Variants in CRIM1 observed in about 807,000 individuals in gnomAD.
CRIM1 encodes cysteine rich transmembrane BMP regulator 1, also known as cysteine-rich motor neuron 1 protein.
CRIM1 carries 32 observed loss-of-function variants against 116.4 expected under a neutral mutation model. The observed-to-expected ratio is 0.27, with a 90% CI of 0.21 to 0.37. The LOEUF is 0.37. CRIM1 is among the 10% of genes least tolerant of loss of function. The pLI is 1.00. For synonymous variants in CRIM1, 590 were observed against 509.2 expected, an observed-to-expected ratio of 1.16 and a Z score of -2.13; for missense variants, 1,331 against 1,354.8, an observed-to-expected ratio of 0.98 and a Z score of 0.28.
intron 1 of CRIM1, among the ~76,000 whole-genome samples, chr2:36,371,409 A>C (rs1457247369): frequency 6.6e-6 from 1 of 152,172 alleles, no homozygotes; most frequent in African/African-American, 2.4e-5. Context: ...CTTGGCACAC[A>C]GGAAGAACTC....
chr2:36,527,008 C>T (rs562060298), intron 13 of CRIM1, among the ~76,000 whole-genome samples: 2 of 152,206 alleles, frequency 1.3e-5, no homozygotes, highest in Non-Finnish European at 2.9e-5. Context: ...TATGACTTGG[C>T]AAGTATTTGT....
intron 2 of CRIM1, among the ~76,000 whole-genome samples, chr2:36,403,644 G>A (rs1254954298): frequency 6.6e-6 from 1 of 152,090 alleles, no homozygotes; most frequent in Non-Finnish European, 1.5e-5. Context: ...ATTGACTTTC[G>A]GGGATGAAGA....
At chr2:36,506,157 A>ACT (rs1191448142) in intron 8 of CRIM1, among the ~76,000 whole-genome samples, 1,552 of 125,010 alleles carry the variant, frequency 0.012, 23 homozygotes, top group African/African-American at 0.039. Flanking sequence ...ACACACACAC[A>ACT]CTCTCTCTCT....
rs1237096120 is a variant in CRIM1 at position 36,365,728 on chromosome 2, A to G, written c.331+9105A>G. 9.8e-5 allele frequency among the ~76,000 whole-genome samples: 14 copies of G among 142,230 alleles called. No individual in the cohort carries two copies. The Admixed American group carries it at 1.0e-3, about 10-fold the overall frequency. 93.3% of individuals were successfully genotyped at this position (142,230 alleles called of 152,430 possible). On this transcript the variant is annotated intron_variant, in intron 1 of 16. Transcript: ENST00000280527. ...TTTTAGGAGAACAGAACTATGAACT[A>G]TGTTTGTGTTTTTTTTTTTTTTTTG...
chr2:36,537,948 A>G (rs1666668967), intron 14 of CRIM1, among the ~76,000 whole-genome samples: 1 of 152,216 alleles, frequency 6.6e-6, no homozygotes, highest in African/African-American at 2.4e-5. Flanking sequence ...ATTAGAACCA[A>G]AGTGGAAGAC....
At chr2:36,468,957 A>G (rs1425785111) in intron 5 of CRIM1, among the ~76,000 whole-genome samples, 2 of 152,264 alleles carry the variant, frequency 1.3e-5, no homozygotes, top group African/African-American at 2.4e-5. Context: ...TGACCTACTT[A>G]TAAAACGTTC....
Position 36,510,875 on chromosome 2 carries a change from A to G in CRIM1, c.1658+736A>G, listed in dbSNP as rs549058203. Among the ~76,000 whole-genome samples, 3 of 149,900 alleles carry G rather than the reference A, an allele frequency of 2.0e-5. No individual in the cohort carries two copies. In the South Asian group the frequency reaches 6.4e-4, roughly 32 times the overall value. Reference sequence around the variant, plus strand: ...CCCTTTGCTGTCTTTCTTTCATTTCAATCTGTCTTTCCAATTTGATATGTT... The same window carrying G: ...CCCTTTGCTGTCTTTCTTTCATTTCGATCTGTCTTTCCAATTTGATATGTT... On this transcript the variant is annotated intron_variant, in intron 9 of 16. Transcript: ENST00000280527.
At chr2:36,423,382 C>G (rs1371574509) in intron 2 of CRIM1, among the ~76,000 whole-genome samples, 1 of 152,182 alleles carries the variant, frequency 6.6e-6, no homozygotes, top group African/African-American at 2.4e-5. Flanking sequence ...TTAATTACAC[C>G]TTGAGACACA....
intron 12 of CRIM1, among the ~76,000 whole-genome samples, chr2:36,519,089 G>A (rs1665206077): frequency 7.2e-6 from 1 of 138,288 alleles, no homozygotes; most frequent in Admixed American, 7.1e-5. Context: ...TACCCCTGGT[G>A]CTATTTGTGT....
At chr2:36,381,515 G>A (rs1670770966) in intron 1 of CRIM1, among the ~76,000 whole-genome samples, 1 of 152,226 alleles carries the variant, frequency 6.6e-6, no homozygotes, top group African/African-American at 2.4e-5. Flanking sequence ...AGCAATTGTA[G>A]TAGGAGAGGA....
rs368486956 is a variant in CRIM1, at chr2:36,399,293, G to T, written c.505+2506G>T. ...TGAAGTCAACATTAGGCAGACTTTGGTTGTGGTGGAATGCAAACTGGATTA... is the reference window on the plus strand; with the variant it reads ...TGAAGTCAACATTAGGCAGACTTTGTTTGTGGTGGAATGCAAACTGGATTA... On this transcript the variant is annotated intron_variant, in intron 2 of 16. Transcript: ENST00000280527. Among the ~76,000 whole-genome samples the T allele has an allele frequency of 7.2e-5, 11 of 152,324 alleles. No homozygotes were observed. The East Asian group carries it at 2.1e-3, about 29-fold the overall frequency.
intron 1 of CRIM1, among the ~76,000 whole-genome samples, chr2:36,383,684 G>A (rs1462776719): frequency 2.6e-5 from 4 of 152,164 alleles, no homozygotes; most frequent in African/African-American, 7.2e-5. Flanking sequence ...TGCTGGGGGC[G>A]GGTGTGCTGG....
intron 2 of CRIM1, among the ~76,000 whole-genome samples, chr2:36,423,582 C>T (rs2110928): frequency 3.3e-5 from 5 of 152,058 alleles, no homozygotes; most frequent in African/African-American, 9.7e-5. Flanking sequence ...TAGCTAGGAT[C>T]GGAAGGCTTT....
intron 5 of CRIM1, among the ~76,000 whole-genome samples, chr2:36,467,310 C>A (rs1205029108): frequency 6.6e-6 from 1 of 152,164 alleles, no homozygotes; most frequent in Non-Finnish European, 1.5e-5. Flanking sequence ...GATTCATAAT[C>A]CTACAGAATA....
chr2:36,449,447 C>G (rs1459877548), intron 4 of CRIM1, among the ~76,000 whole-genome samples: 1 of 152,148 alleles, frequency 6.6e-6, no homozygotes, highest in Admixed American at 6.6e-5. Flanking sequence ...AGACACATAC[C>G]TGTGAGTAAA....
intron 14 of CRIM1, 64 bp from the exon 15 acceptor site, chr2:36,544,312 G>C: frequency 7.7e-7 from 1 of 1,295,238 alleles, no homozygotes; most frequent in African/African-American, 1.5e-5. Flanking sequence ...TTTGGATTGA[G>C]AATACAAAAG....
chr2:36,469,225 T>C (rs1286553844), intron 5 of CRIM1, among the ~76,000 whole-genome samples: 2 of 152,130 alleles, frequency 1.3e-5, no homozygotes, highest in Non-Finnish European at 2.9e-5. Flanking sequence ...GGAGCATTAC[T>C]TGTGTATGGC....
chr2:36,497,812 G>C (rs972067991), intron 7 of CRIM1, among the ~76,000 whole-genome samples: 2 of 152,186 alleles, frequency 1.3e-5, no homozygotes, highest in Non-Finnish European at 2.9e-5. Context: ...CCTTTTAGTA[G>C]ATGGATAAAA....
chr2:36,374,999 C>CTT (rs545030052), intron 1 of CRIM1, among the ~76,000 whole-genome samples: 7 of 143,246 alleles, frequency 4.9e-5, no homozygotes, highest in African/African-American at 1.8e-4. Flanking sequence ...AATTCTGTTG[C>CTT]TTTTTTTTTT....
Sources: allele counts gnomAD v4.1 joint callset (sites outside exome capture counted in the v4.1 genomes callset), GRCh38; gene constraint gnomAD v4.1.1; transcripts MANE v1.5; gene names NCBI Gene and HGNC (gene_info 2026-07-23, HGNC 2026-07-21).